Variants in PHGDH observed in about 807,000 individuals in gnomAD.
The protein encoded by PHGDH is D-3-phosphoglycerate dehydrogenase.
A neutral mutation model predicts 52.6 loss-of-function variants in PHGDH; 50 were observed. That is an observed-to-expected ratio of 0.95 (90% CI 0.76 to 1.20). The LOEUF is 1.20. PHGDH is among the 50% of genes most tolerant of loss of function. The pLI is 0.00. For missense variants in PHGDH, 630 were observed against 684.6 expected, an observed-to-expected ratio of 0.92 and a Z score of 0.89; for synonymous variants, 271 against 280.5, an observed-to-expected ratio of 0.97 and a Z score of 0.34.
chr1:119,728,083 G>T (rs1270282107), intron 5 of PHGDH, among the ~76,000 whole-genome samples: 2 of 152,072 alleles, frequency 1.3e-5, no homozygotes, highest in Non-Finnish European at 2.9e-5. Flanking sequence ...TGAGCCAGGG[G>T]GTCAGTTTGA....
At chr1:119,712,456 A>C in intron 1 of PHGDH, 1 of 393,814 alleles carries the variant, frequency 2.5e-6, no homozygotes. Flanking sequence ...CTGCTCGCGG[A>C]TGCCAGCGCG....
At chr1:119,743,142 T>C in intron 11 of PHGDH, 98 bp downstream of exon 11, 1 of 817,264 alleles carries the variant, frequency 1.2e-6, no homozygotes, top group Admixed American at 1.7e-5. Flanking sequence ...CCCCTCTTCA[T>C]GTCCCAGGGT....
chr1:119,726,560 TAAA>T (rs1335709064), intron 3 of PHGDH: 10 of 525,824 alleles, frequency 1.9e-5, no homozygotes, highest in Middle Eastern at 5.1e-4. Flanking sequence ...TCGCTTAAAG[TAAA>T]AAACTCACTC....
chr1:119,733,141 A>C (rs917374745), intron 5 of PHGDH, among the ~76,000 whole-genome samples: 1 of 152,146 alleles, frequency 6.6e-6, no homozygotes, highest in African/African-American at 2.4e-5. Context: ...GGAGGTTCTT[A>C]TAGGGCGTGG....
At chr1:119,734,847 C>G in intron 6 of PHGDH, 81 bp downstream of exon 6, 1 of 1,477,146 alleles carries the variant, frequency 6.8e-7, no homozygotes, top group Non-Finnish European at 9.4e-7. Context: ...GGGCCTTCCC[C>G]AGACAGTGGT....
At position 119,723,477 on chromosome 1, in the gene PHGDH, C is replaced by T. The variant is rs201010129; in HGVS notation, c.356+36C>T. ...GACTTCTCAGCAAAGCTAGTCTCTC[C>T]GATATGCCAATTATTACCACTTGCC... On this transcript the variant is annotated intron_variant, in intron 3 of 11. Transcript: ENST00000641023. 30 of 1,496,052 alleles carry T rather than the reference C, an allele frequency of 2.0e-5. 1 individual carries two copies. The highest frequency in any genetic ancestry group is 9.0e-5 in the East Asian group (4 of 44,276). The allele number at this position is 1,496,052 out of a possible 1,614,324, so 92.7% of individuals were successfully genotyped here.
chr1:119,735,522 G>T, intron 7 of PHGDH, 79 bp downstream of exon 7: 3 of 1,410,716 alleles, frequency 2.1e-6, no homozygotes, highest in Non-Finnish European at 3.0e-6. Context: ...AAAGCCTGGC[G>T]TTTTACAGAA....
At chr1:119,721,015 G>A in intron 1 of PHGDH, 155 bp from the exon 2 acceptor site, 1 of 770,144 alleles carries the variant, frequency 1.3e-6, no homozygotes, top group South Asian at 1.4e-5. Flanking sequence ...TTTCCCTAGT[G>A]AGTATACCAA....
chr1:119,743,930 T>C lies in PHGDH; in HGVS notation c.1492T>C (p.Ser498Pro), dbSNP rs1571022128. 5 of 1,613,392 alleles carry C rather than the reference T, an allele frequency of 3.1e-6. No individual in the cohort carries two copies. Among genetic ancestry groups the C allele is most frequent in the Non-Finnish European group, 4.2e-6 (5 of 1,179,300 alleles). ...CGTGCGGCTGCTGTCCTACCAGACT[T>C]CACTGGTGTCAGATGGGGAGACCTG... ...AGVRLLSYQTSLVSDGETWHV... is the reference protein window; with the variant it reads ...AGVRLLSYQTPLVSDGETWHV... The change falls in exon 12 of 12, where the codon TCA becomes CCA. Residue 498 changes from serine to proline, a missense_variant. Transcript: ENST00000641023.
rs587759969 is a variant in PHGDH, at chr1:119,744,154, C to T, written c.*114C>T. Reference sequence around the variant, plus strand: ...GGCTGAACGCGGGCCTCTGACACTGCTTACACTGCACTCTGACCCTGTAGT... The same window carrying T: ...GGCTGAACGCGGGCCTCTGACACTGTTTACACTGCACTCTGACCCTGTAGT... On this transcript the variant is annotated 3_prime_UTR_variant, in exon 12 of 12. Transcript: ENST00000641023. 86 of 911,652 alleles carry T rather than the reference C, an allele frequency of 9.4e-5. 3 individuals are homozygous for T. The South Asian group carries it at 1.1e-3, about 11-fold the overall frequency. 56.5% of individuals were successfully genotyped at this position (911,652 alleles called of 1,614,324 possible).
intron 2 of PHGDH, among the ~76,000 whole-genome samples, chr1:119,722,715 T>A (rs1319599616): frequency 1.3e-5 from 2 of 149,492 alleles, no homozygotes; most frequent in African/African-American, 4.9e-5. Context: ...GACCCCCATC[T>A]CTACAAAAAT....
At chr1:119,712,294 T>C (rs1334637785) in intron 1 of PHGDH, 134 bp downstream of exon 1, 14 of 620,512 alleles carry the variant, frequency 2.3e-5, no homozygotes, top group Admixed American at 2.1e-4. Context: ...GATTGGGGGG[T>C]AGAGAAGAAC....
Position 119,742,936 on chromosome 1 carries a change from G to T in PHGDH, c.1339G>T (p.Gly447Trp). 1 of 1,613,802 alleles carries T rather than the reference G, an allele frequency of 6.2e-7. No individual in the cohort carries two copies. Among genetic ancestry groups the T allele is most frequent in the Middle Eastern group, 1.6e-4 (1 of 6,062 alleles). ...LVQGTTPVLQ[G>W]LNGAVFRPEV... The stretch of plus-strand genomic sequence containing the variant: ...CCAAGGCACTACGCCTGTACTGCAG[G>T]GGCTCAATGGAGCTGTCTTCAGGCC... The change falls in exon 11 of 12, where the codon GGG becomes TGG. Residue 447 changes from glycine to tryptophan, a missense_variant. Physicochemically the swap from Gly to Trp is radical, Grantham distance 184. Coordinates refer to ENST00000641023, the MANE Select transcript of PHGDH (RefSeq NM_006623.4).
chr1:119,718,440 G>A (rs759518285), intron 1 of PHGDH, among the ~76,000 whole-genome samples: 1 of 152,192 alleles, frequency 6.6e-6, no homozygotes, highest in Non-Finnish European at 1.5e-5. Context: ...TCTCTCCAAG[G>A]GATTTTACAG....
Position 119,741,845 on chromosome 1 carries a change from C to A in PHGDH, c.1157C>A (p.Ala386Glu), listed in dbSNP as rs768396645. The change falls in exon 10 of 12, where the codon GCG becomes GAG. Residue 386 changes from alanine to glutamate, a missense_variant. Transcript: ENST00000641023. ...CTCCTGAAAGAGGCTTCCAAGCAGG[C>A]GGATGTGAACTTGGTGAACGCTAAG... ...VGLLKEASKQ[A>E]DVNLVNAKLL... 1.2e-6 allele frequency: 2 copies of A among 1,613,670 alleles called. No homozygotes were observed.
At chr1:119,718,329 A>G (rs1651016993) in intron 1 of PHGDH, among the ~76,000 whole-genome samples, 1 of 152,318 alleles carries the variant, frequency 6.6e-6, no homozygotes, top group South Asian at 2.1e-4. Flanking sequence ...GCTTGTCTGT[A>G]CTATAGGGAT....
chr1:119,740,296 C>T lies in PHGDH; in HGVS notation c.946-90C>T, dbSNP rs587710303. The T allele has an allele frequency of 3.4e-4, 477 of 1,415,644 alleles. 2 individuals are homozygous for T. The African/African-American group carries it at 5.6e-3, about 17-fold the overall frequency. 87.7% of individuals were successfully genotyped at this position (1,415,644 alleles called of 1,614,324 possible). A position where few individuals can be genotyped will look rare whatever the true frequency, so the allele number is the denominator to read the frequency against. On this transcript the variant is annotated intron_variant, in intron 8 of 11. Coordinates refer to ENST00000641023, the MANE Select transcript of PHGDH (RefSeq NM_006623.4). ...GCAGGAGTGACCCTATACTGTCTTT[C>T]TTGTGGAGCTGGGTCTTGGCAGCCA... is the stretch of plus-strand genomic sequence containing the variant.
chr1:119,743,994 A>G lies in PHGDH; in HGVS notation c.1556A>G (p.Glu519Gly). 6.2e-7 allele frequency: 1 copy of G among 1,614,126 alleles called. No homozygotes were observed. The highest frequency in any genetic ancestry group is 8.5e-7 in the Non-Finnish European group (1 of 1,179,962). ...MGISSLLPSL[E>G]AWKQHVTEAF... ...ATCTCCTCCTTGCTGCCCAGCCTGG[A>G]AGCGTGGAAGCAGCATGTGACTGAA... Residue 519 changes from glutamate to glycine, a missense_variant, in exon 12 of 12, where the codon GAA becomes GGA. Physicochemically the swap from Glu to Gly is moderately conservative, Grantham distance 98 (BLOSUM62 -2). Coordinates refer to ENST00000641023, the MANE Select transcript of PHGDH (RefSeq NM_006623.4).
Position 119,735,365 on chromosome 1 carries a change from G to T in PHGDH, c.714G>T (p.Gly238=), listed in dbSNP as rs1395788296. ...GVRVVNCARG[G]IVDEGALLRA... The stretch of plus-strand genomic sequence containing the variant: ...GTGTGGTGAACTGTGCCCGTGGAGG[G>T]ATCGTGGACGAAGGCGCCCTGCTCC... Residue 238 remains glycine, a synonymous_variant, in exon 7 of 12, where the codon GGG becomes GGT. Coordinates refer to ENST00000641023, the MANE Select transcript of PHGDH (RefSeq NM_006623.4). The T allele has an allele frequency of 1.2e-6, 2 of 1,614,090 alleles. No individual in the cohort carries two copies. The highest frequency in any genetic ancestry group is 1.7e-5 in the Admixed American group (1 of 60,010).
Sources: allele counts gnomAD v4.1 joint callset (sites outside exome capture counted in the v4.1 genomes callset), GRCh38; gene constraint gnomAD v4.1.1; transcripts MANE v1.5; gene names NCBI Gene and HGNC (gene_info 2026-07-23, HGNC 2026-07-21).